MYH2: variants seen among roughly 807,000 people sequenced by gnomAD.
The protein encoded by MYH2 is myosin heavy chain 2.
In MYH2, 139 loss-of-function variants were observed where a neutral mutation model predicts 228.1. That is an observed-to-expected ratio of 0.61 (90% CI 0.53 to 0.70). MYH2 has a LOEUF of 0.70. Among genes scored for constraint, MYH2 ranks in the 30% least tolerant of loss-of-function variants. MYH2 has a pLI of 0.00. For missense variants in MYH2, 1,809 were observed against 2,357.5 expected, an observed-to-expected ratio of 0.77 and a Z score of 4.82; for synonymous variants, 796 against 871.1, an observed-to-expected ratio of 0.91 and a Z score of 1.52.
chr17:10,539,780 T>G, intron 12 of MYH2, 148 bp downstream of exon 12: 1 of 1,270,498 alleles, frequency 7.9e-7, no homozygotes, highest in Non-Finnish European at 1.1e-6. Context: ...GTGCTTATGT[T>G]TCCCATTGCA....
chr17:10,525,844 T>G lies in MYH2; in HGVS notation c.4220A>C (p.Glu1407Ala). The change falls in exon 31 of 40, where the codon GAG (glutamate) becomes GCG (alanine). Residue 1407 changes from glutamate to alanine, a missense_variant. Glu to Ala is a moderately radical substitution (Grantham distance 107, BLOSUM62 -1). Transcript: ENST00000245503. This position sits in a 1 kb window ranked among gnomAD's most constrained non-coding sequence, Gnocchi z 4.2. Reference sequence around the variant, plus strand: ...GGCGTTCACAGCTTCTACATGTTCCTCAGCTGCCTGCAGCCGCTGGGCCAG... The same window carrying G: ...GGCGTTCACAGCTTCTACATGTTCCGCAGCTGCCTGCAGCCGCTGGGCCAG... ...KKLAQRLQAA[E>A]EHVEAVNAKC... The G allele has an allele frequency of 6.2e-7, 1 of 1,614,184 alleles. No homozygotes were observed. The highest frequency in any genetic ancestry group is 8.5e-7 in the Non-Finnish European group (1 of 1,180,030).
intron 10 of MYH2, among the ~76,000 whole-genome samples, chr17:10,542,440 A>G (rs1490468717): frequency 1.3e-5 from 2 of 152,238 alleles, no homozygotes; most frequent in African/African-American, 4.8e-5. Context: ...TCTAGAATAG[A>G]ACACTATGCA....
intron 4 of MYH2, 129 bp downstream of exon 4, chr17:10,547,346 T>C: frequency 8.0e-7 from 1 of 1,248,176 alleles, no homozygotes; most frequent in Non-Finnish European, 1.2e-6. Context: ...TCATGAAGCC[T>C]TTTAACTAGT....
chr17:10,532,007 T>TA (rs1491284262), intron 21 of MYH2, 119 bp from the exon 22 acceptor site: 95 of 1,170,128 alleles, frequency 8.1e-5, no homozygotes, highest in Non-Finnish European at 7.4e-5. Context: ...AACATGCAGA[T>TA]GAAAAAATTC....
rs780753681 is a variant in MYH2, at chr17:10,537,580, T to C, written c.1588-38A>G. 4.3e-6 allele frequency: 7 copies of C among 1,613,754 alleles called. No homozygotes were observed. In the Admixed American group the frequency reaches 6.7e-5, roughly 15 times the overall value. On this transcript the variant is annotated intron_variant, in intron 15 of 39. Coordinates refer to ENST00000245503, the MANE Select transcript of MYH2 (RefSeq NM_017534.6). This position sits in a 1 kb window ranked among gnomAD's most constrained non-coding sequence, Gnocchi z 4.0. ...CCACAACACAAAATTGTACTTCTATTTTTTTTTCTGTCTATAGAATTAAAA... is the reference window on the plus strand; with the variant it reads ...CCACAACACAAAATTGTACTTCTATCTTTTTTTCTGTCTATAGAATTAAAA...
chr17:10,524,928 C>G lies in MYH2; in HGVS notation c.4800G>C (p.Val1600=), dbSNP rs770605094. 1.2e-6 allele frequency: 2 copies of G among 1,614,102 alleles called. No individual in the cohort carries two copies. Among genetic ancestry groups the G allele is most frequent in the Admixed American group, 3.3e-5 (2 of 60,014 alleles). The change falls in exon 34 of 40, where the codon GTG becomes GTC. Residue 1600 remains valine (V), a synonymous_variant. Coordinates refer to ENST00000245503, the MANE Select transcript of MYH2 (RefSeq NM_017534.6). The surrounding 1 kb of genome is among the most constrained non-coding windows in gnomAD (Gnocchi z 4.7). ...DQLKRNHIRI[V]ESMQSTLDAE... ...CATCCAGCGTGCTCTGCATGGACTC[C>G]ACGATTCTAATGTGGTTTCTCTTCA...
intron 2 of MYH2, among the ~76,000 whole-genome samples, chr17:10,549,143 T>A (rs1461576165): frequency 6.6e-6 from 1 of 152,216 alleles, no homozygotes; most frequent in Non-Finnish European, 1.5e-5. Flanking sequence ...ACAATATATT[T>A]ATTCAAAGCG....
chr17:10,543,046 T>A, intron 9 of MYH2, 52 bp downstream of exon 9: 1 of 1,592,264 alleles, frequency 6.3e-7, no homozygotes, highest in South Asian at 1.1e-5. Flanking sequence ...TTTTGGTCAG[T>A]TTTTTAGGTC....
chr17:10,538,754 G>T (rs2073513401), intron 14 of MYH2, among the ~76,000 whole-genome samples: 1 of 151,066 alleles, frequency 6.6e-6, no homozygotes, highest in Admixed American at 6.6e-5. Context: ...CCTAAGTTTT[G>T]CTTGTATAAT....
Position 10,537,511 on chromosome 17 carries a change from T to C in MYH2, c.1619A>G (p.Glu540Gly). ...PMGIFSILEE[E>G]CMFPKATDTS... ...GTCTGTTGCCTTAGGGAACATGCAC[T>C]CCTCTTCCAGGATGGAGAAGATGCC... The change falls in exon 16 of 40, where the codon GAG becomes GGG. Residue 540 changes from glutamate to glycine, a missense_variant. This residue lies in a region of MYH2 where 373 missense variants were observed against 620.4 expected (regional missense o/e 0.60). Coordinates refer to ENST00000245503, the MANE Select transcript of MYH2 (RefSeq NM_017534.6). This position sits in a 1 kb window ranked among gnomAD's most constrained non-coding sequence, Gnocchi z 4.0. The C allele has an allele frequency of 6.2e-7, 1 of 1,614,200 alleles. No homozygotes were observed. The highest frequency in any genetic ancestry group is 8.5e-7 in the Non-Finnish European group (1 of 1,180,036).
chr17:10,543,232 T>C, intron 8 of MYH2, 71 bp from the exon 9 acceptor site: 2 of 1,151,378 alleles, frequency 1.7e-6, no homozygotes, highest in Non-Finnish European at 2.6e-6. Context: ...TCCAAACATT[T>C]GATGCTGGTA....
At chr17:10,548,825 C>T in intron 2 of MYH2, among the ~76,000 whole-genome samples, 1 of 152,162 alleles carries the variant, frequency 6.6e-6, no homozygotes, top group East Asian at 1.9e-4. Flanking sequence ...GCAGTCATTA[C>T]ATGATCAAAT....
Position 10,539,212 on chromosome 17 carries a change from A to G in MYH2, c.1409T>C (p.Ile470Thr), listed in dbSNP as rs763354264. Residue 470 changes from isoleucine (I) to threonine (T), a missense_variant, in exon 14 of 40, where the codon ATT becomes ACT. Around this residue, in one of 9 missense-constraint regions of MYH2, gnomAD observed 373 missense variants for 620.4 expected, o/e 0.60. Transcript: ENST00000245503. ...AATCAGCTACAAACTCACATCAAAA[A>G]TCTCAAAACCAGCAATGTCCAAGAC... ...IGVLDIAGFE[I>T]FDFNSLEQLC... The G allele has an allele frequency of 6.2e-7, 1 of 1,614,124 alleles. No homozygotes were observed. The highest frequency in any genetic ancestry group is 1.1e-5 in the South Asian group (1 of 91,076).
intron 8 of MYH2, among the ~76,000 whole-genome samples, chr17:10,543,386 C>T (rs139101310): frequency 5.1e-4 from 77 of 152,196 alleles, no homozygotes; most frequent in Middle Eastern, 3.4e-3. Context: ...TGTTAATTAG[C>T]ATGTTAATCA....
In MYH2 at chr17:10,547,718, G is replaced by T; in HGVS notation, c.203C>A (p.Ala68Glu). Residue 68 changes from alanine to glutamate, a missense_variant and splice_region_variant, in exon 3 of 40, where the codon GCG (alanine) becomes GAG (glutamate). By Grantham distance (107) the Ala-to-Glu change is moderately radical. This residue lies in a region of MYH2 where 84 missense variants were observed against 81.8 expected (regional missense o/e 1.03). Transcript: ENST00000245503. ...GCAAGCTCCTGGGATTCTACTCACC[G>T]CTCCTCCCTCAGTCTTCACCGTCAC... ...GKVTVKTEGG[A>E]TLTVKDDQVF... is the part of the protein sequence containing the mutation. 3 of 1,614,130 alleles carry T rather than the reference G, an allele frequency of 1.9e-6. No homozygotes were observed. The highest frequency in any genetic ancestry group is 1.7e-6 in the Non-Finnish European group (2 of 1,180,018).
In MYH2 at chr17:10,524,892, C is replaced by T; in HGVS notation, c.4836G>A (p.Arg1612=). 1 of 1,614,112 alleles carries T rather than the reference C, an allele frequency of 6.2e-7. No individual in the cohort carries two copies. Among genetic ancestry groups the T allele is most frequent in the Non-Finnish European group, 8.5e-7 (1 of 1,180,036 alleles). Residue 1612 remains arginine (R), a synonymous_variant, in exon 34 of 40, where the codon AGG becomes AGA. Transcript: ENST00000245503. This position sits in a 1 kb window ranked among gnomAD's most constrained non-coding sequence, Gnocchi z 4.7. ...SMQSTLDAEI[R]SRNDAIRLKK... is the part of the protein sequence containing the mutation. ...TGAGCCTAATGGCATCATTCCTACT[C>T]CTGATCTCAGCATCCAGCGTGCTCT...
In MYH2 at chr17:10,529,079, C is replaced by T. The variant is rs2073391512; in HGVS notation, c.3355G>A (p.Ala1119Thr). 1 of 1,614,092 alleles carries T rather than the reference C, an allele frequency of 6.2e-7. No homozygotes were observed. Among genetic ancestry groups the T allele is most frequent in the South Asian group, 1.1e-5 (1 of 91,088 alleles). Residue 1119 changes from alanine to threonine, a missense_variant and splice_region_variant, in exon 27 of 40, where the codon GCC becomes ACC. Physicochemically the swap from Ala to Thr is moderately conservative, Grantham distance 58. Coordinates refer to ENST00000245503, the MANE Select transcript of MYH2 (RefSeq NM_017534.6). ...QLQKKIKELQ[A>T]RIEELEEEIE... is the part of the protein sequence containing the mutation. ...TCCTCCTCCAGCTCCTCAATGCGGG[C>T]CTGGGAATGGTGGAAAATACAAACT...
intron 39 of MYH2, 109 bp from the exon 40 acceptor site, chr17:10,521,541 T>G: frequency 1.0e-6 from 1 of 981,290 alleles, no homozygotes; most frequent in Non-Finnish European, 1.6e-6. Context: ...CATCTAGGGA[T>G]TATCATTGAA....
rs781504304 is a variant in MYH2, at chr17:10,540,593, C to T, written c.1008+1G>A. Reference sequence around the variant, plus strand: ...TTCCAATTTTCTTGTGTTCTACTTACATCTGTGGCCATCAGTTCTTCCTGA... The same window carrying T: ...TTCCAATTTTCTTGTGTTCTACTTATATCTGTGGCCATCAGTTCTTCCTGA... On this transcript the variant is annotated splice_donor_variant, in intron 11 of 39. Transcript: ENST00000245503. LOFTEE classifies it high-confidence loss of function. 7.5e-6 allele frequency: 12 copies of T among 1,601,222 alleles called. No homozygotes were observed. Among genetic ancestry groups the T allele is most frequent in the Admixed American group, 3.3e-5 (2 of 59,964 alleles).
Sources: allele counts gnomAD v4.1 joint callset (sites outside exome capture counted in the v4.1 genomes callset), GRCh38; gene constraint gnomAD v4.1.1; regional missense constraint gnomAD v4.1.1; non-coding constraint Gnocchi (gnomAD v3.1); transcripts MANE v1.5; gene names NCBI Gene and HGNC (gene_info 2026-07-23, HGNC 2026-07-21).